Variants in TTF1 observed in about 807,000 individuals in gnomAD.
The protein encoded by TTF1 is transcription termination factor 1, also known as transcription termination factor, RNA polymerase I.
A neutral mutation model predicts 80.2 loss-of-function variants in TTF1; 64 were observed. The ratio of observed to expected loss-of-function variants is 0.80; its 90% CI spans 0.65 to 0.98. The LOEUF is 0.98. Ranked by LOEUF, TTF1 falls within the 50% of genes least tolerant of loss-of-function variation. TTF1 has a pLI of 0.00. For synonymous variants in TTF1, 372 were observed against 382.7 expected, an observed-to-expected ratio of 0.97 and a Z score of 0.33; for missense variants, 1,023 against 1,086.2, an observed-to-expected ratio of 0.94 and a Z score of 0.82.
rs1564190662 is a variant in TTF1, at chr9:132,401,588, T to TACTGGGCACTGAAAAATCATC, written c.1213_1233dup (p.Asp405_Ser411dup). On this transcript the variant is annotated inframe_insertion, in exon 2 of 11. Coordinates refer to ENST00000334270, the MANE Select transcript of TTF1 (RefSeq NM_007344.4). The stretch of plus-strand genomic sequence containing the variant: ...TCAAAGAGTGTGCTCTCAGAGTTCT[T>TACTGGGCACTGAAAAATCATC]ACTGGGCACTGAAAAATCATCACCA... The TACTGGGCACTGAAAAATCATC allele has an allele frequency of 1.2e-6, 2 of 1,614,138 alleles. No homozygotes were observed. The highest frequency in any genetic ancestry group is 2.2e-5 in the South Asian group (2 of 91,078).
chr9:132,383,840 C>T (rs1849414500), intron 9 of TTF1, among the ~76,000 whole-genome samples: 1 of 152,154 alleles, frequency 6.6e-6, no homozygotes. Context: ...TTTCTTTGCC[C>T]CACCACCGAG....
chr9:132,397,542 G>A lies in TTF1; in HGVS notation c.1777+599C>T, dbSNP rs139473225. 2.5e-3 allele frequency among the ~76,000 whole-genome samples: 383 copies of A among 152,260 alleles called. 3 individuals carry two copies. Among genetic ancestry groups the A allele is most frequent in the Non-Finnish European group, 2.7e-3 (183 of 68,028 alleles). ...CGTATAAGGATGTGCTTTGTGTAGC[G>A]TACACAAAATATAAATAAGGAACAG... On this transcript the variant is annotated intron_variant, in intron 4 of 10. Coordinates refer to ENST00000334270, the MANE Select transcript of TTF1 (RefSeq NM_007344.4).
rs768573995 is a variant in TTF1, at chr9:132,402,032, G to C, written c.790C>G (p.Pro264Ala). ...QPTVGLDDETPQLLGPTHKKK... is the reference protein window; with the variant it reads ...QPTVGLDDETAQLLGPTHKKK... ...TTGTGAGTAGGTCCTAGTAGTTGTG[G>C]AGTTTCATCATCCAAGCCCACAGTA... The change falls in exon 2 of 11, where the codon CCA (proline) becomes GCA (alanine). Residue 264 changes from proline to alanine, a missense_variant. Physicochemically the swap from Pro to Ala is conservative, Grantham distance 27. Coordinates refer to ENST00000334270, the MANE Select transcript of TTF1 (RefSeq NM_007344.4). The C allele has an allele frequency of 5.0e-6, 8 of 1,612,834 alleles. No homozygotes were observed. The Admixed American group carries it at 1.3e-4, about 27-fold the overall frequency.
intron 1 of TTF1, among the ~76,000 whole-genome samples, chr9:132,405,384 T>G (rs1041933377): frequency 6.6e-6 from 1 of 152,092 alleles, no homozygotes; most frequent in East Asian, 1.9e-4. Context: ...ATCTTTGTAT[T>G]TTTAGTAGAG....
At chr9:132,389,689 T>TG (rs748861477) in intron 7 of TTF1, among the ~76,000 whole-genome samples, 5 of 151,996 alleles carry the variant, frequency 3.3e-5, no homozygotes, top group Non-Finnish European at 5.9e-5. Context: ...ATGTGCAAGG[T>TG]AGGGGGGTCA....
chr9:132,391,016 T>G (rs1479630878), intron 6 of TTF1, among the ~76,000 whole-genome samples, 185 bp from the exon 7 acceptor site: 1 of 152,268 alleles, frequency 6.6e-6, no homozygotes, highest in Non-Finnish European at 1.5e-5. Context: ...GGATTCTTTT[T>G]AAGAACTAAA....
intron 9 of TTF1, among the ~76,000 whole-genome samples, chr9:132,381,378 T>C (rs1849368810): frequency 6.6e-6 from 1 of 152,110 alleles, no homozygotes. Context: ...TTAGTAGAGA[T>C]GGGGTTTCAC....
At chr9:132,402,967 C>T (rs961936116) in intron 1 of TTF1, 139 bp from the exon 2 acceptor site, 43 of 821,304 alleles carry the variant, frequency 5.2e-5, no homozygotes, top group Non-Finnish European at 7.1e-5. Flanking sequence ...GCCATTTTCC[C>T]GCCTCAGCCT....
In TTF1 at chr9:132,375,961, G is replaced by A. The variant is rs1849167112; in HGVS notation, c.2672C>T (p.Ala891Val). 1.2e-6 allele frequency: 2 copies of A among 1,610,898 alleles called. No individual in the cohort carries two copies. The highest frequency in any genetic ancestry group is 1.7e-6 in the Non-Finnish European group (2 of 1,178,764). ...SEGQAPCMAH[A>V]CNSSTLGGQG... is the part of the protein sequence containing the mutation. ...GCCTCCCAAAGTACTGGAATTACAG[G>A]CGTGAGCCATGCATGGCGCCTGGCC... The change falls in exon 11 of 11, where the codon GCC (alanine) becomes GTC (valine). Residue 891 changes from alanine (A) to valine (V), a missense_variant. Ala to Val is a moderately conservative substitution (Grantham distance 64). Coordinates refer to ENST00000334270, the MANE Select transcript of TTF1 (RefSeq NM_007344.4).
At chr9:132,378,357 G>T (rs1849285862) in intron 10 of TTF1, among the ~76,000 whole-genome samples, 1 of 99,662 alleles carries the variant, frequency 1.0e-5, no homozygotes, top group Non-Finnish European at 2.1e-5. Context: ...GAGTGCATGT[G>T]GTGCGTGTGA....
chr9:132,398,753 G>A (rs1849703766), intron 3 of TTF1, among the ~76,000 whole-genome samples: 1 of 151,844 alleles, frequency 6.6e-6, no homozygotes, highest in African/African-American at 2.4e-5. Context: ...TGTGACACCT[G>A]GCTAATTTTT....
intron 1 of TTF1, among the ~76,000 whole-genome samples, chr9:132,404,142 T>C (rs1290891665): frequency 6.6e-6 from 1 of 152,242 alleles, no homozygotes; most frequent in Non-Finnish European, 1.5e-5. Flanking sequence ...AAAATGATCT[T>C]CATATTTCCT....
intron 6 of TTF1, among the ~76,000 whole-genome samples, chr9:132,391,800 A>G (rs1849563488): frequency 6.6e-6 from 1 of 152,164 alleles, no homozygotes; most frequent in Non-Finnish European, 1.5e-5. Context: ...AGGCTCTCCC[A>G]CCACCAGTTT....
At chr9:132,400,519 C>T (rs986189220) in intron 2 of TTF1, among the ~76,000 whole-genome samples, 26 of 152,026 alleles carry the variant, frequency 1.7e-4, no homozygotes, top group Admixed American at 4.6e-4. Context: ...GACAGGGTTT[C>T]GCCATGTTGG....
intron 1 of TTF1, 33 bp from the exon 2 acceptor site, chr9:132,402,861 T>C: frequency 6.5e-7 from 1 of 1,536,202 alleles, no homozygotes; most frequent in Middle Eastern, 2.2e-4. Context: ...TGGTTTATTT[T>C]TGCTTTTTTT....
At chr9:132,386,702 G>T in intron 8 of TTF1, 81 bp from the exon 9 acceptor site, 1 of 1,190,614 alleles carries the variant, frequency 8.4e-7, no homozygotes. Flanking sequence ...AGTGCTGAGA[G>T]CTGGAAGGTA....
chr9:132,399,066 G>A (rs1382293716), intron 3 of TTF1, among the ~76,000 whole-genome samples: 1 of 151,818 alleles, frequency 6.6e-6, no homozygotes, highest in Non-Finnish European at 1.5e-5. Flanking sequence ...GGGCTTGGTG[G>A]CAGGCGCCTG....
chr9:132,383,021 C>T (rs560102893), intron 9 of TTF1, among the ~76,000 whole-genome samples: 4 of 151,260 alleles, frequency 2.6e-5, no homozygotes, highest in South Asian at 2.1e-4. Context: ...ACCGAGATCA[C>T]GCTGTTGCAC....
In TTF1 at chr9:132,401,654, T is replaced by TA. The variant is rs779367990; in HGVS notation, c.1167dup (p.Lys390Ter). 6 of 1,614,234 alleles carry TA rather than the reference T, an allele frequency of 3.7e-6. No homozygotes were observed. In the South Asian group the frequency reaches 6.6e-5, roughly 18 times the overall value. ...TTGACAGACGTAAGCTTCCTTTTCT[T>TA]AGACTTCTTCTTTGTACTGTTGGAT... On this transcript the variant is annotated frameshift_variant, in exon 2 of 11. Transcript: ENST00000334270. LOFTEE classifies it high-confidence loss of function.
Sources: gnomAD v4.1 joint callset for allele counts (sites outside exome capture counted in the v4.1 genomes callset) on GRCh38, gnomAD v4.1.1 for gene constraint, MANE v1.5 for transcripts, NCBI Gene and HGNC (gene_info 2026-07-23, HGNC 2026-07-21) for gene names.